Variants in CHLSN observed in about 807,000 individuals in gnomAD.
The protein encoded by CHLSN is cholesin.
At chr7:1,127,719 C>T in the CHLSN span, among the ~76,000 whole-genome samples, 25 of 25,258 alleles carry the variant, frequency 9.9e-4, no homozygotes, top group Middle Eastern at 0.038. Flanking sequence ...CTGATCCCAC[C>T]GTCACCCGGG....
At chr7:1,010,185 A>G in the CHLSN span, 2 of 1,564,396 alleles carry the variant, frequency 1.3e-6, no homozygotes, top group Non-Finnish European at 1.7e-6. Flanking sequence ...GATGGAGGGT[A>G]TCCAGAGACG....
At chr7:1,097,836 C>A in the CHLSN span, among the ~76,000 whole-genome samples, 1 of 152,196 alleles carries the variant, frequency 6.6e-6, no homozygotes, top group Non-Finnish European at 1.5e-5. This position sits in a 1 kb window ranked among gnomAD's most constrained non-coding sequence, Gnocchi z 4.3. Context: ...AACGCACAGC[C>A]TGAGTCTCAT....
At chr7:1,126,241 G>C in the CHLSN span, among the ~76,000 whole-genome samples, 2 of 150,262 alleles carry the variant, frequency 1.3e-5, no homozygotes, top group Non-Finnish European at 2.9e-5. Context: ...GGCGCCTGTA[G>C]TCCCAGCTAC....
chr7:1,057,146 G>A, the CHLSN span, among the ~76,000 whole-genome samples: 336 of 152,162 alleles, frequency 2.2e-3, 3 homozygotes, highest in African/African-American at 7.7e-3. Flanking sequence ...AGTAAACTTC[G>A]GGAATCACTG....
chr7:1,115,748 G>T, the CHLSN span, among the ~76,000 whole-genome samples: 2 of 95,746 alleles, frequency 2.1e-5, no homozygotes, highest in Non-Finnish European at 4.2e-5. Context: ...GCCCACGCAG[G>T]ATGATGACAT....
chr7:1,047,606 A>G, the CHLSN span, among the ~76,000 whole-genome samples: 50 of 152,360 alleles, frequency 3.3e-4, no homozygotes, highest in African/African-American at 1.2e-3. Context: ...AGTCATTTTG[A>G]AAGCATTTTG....
At chr7:1,037,606 C>T in the CHLSN span, among the ~76,000 whole-genome samples, 1 of 144,816 alleles carries the variant, frequency 6.9e-6, no homozygotes, top group South Asian at 2.3e-4. Flanking sequence ...CAACCTACAC[C>T]TCCCAGCCGC....
chr7:1,033,863 G>A, the CHLSN span, among the ~76,000 whole-genome samples: 1 of 152,242 alleles, frequency 6.6e-6, no homozygotes, highest in Non-Finnish European at 1.5e-5. Flanking sequence ...CCTCCTGAGT[G>A]AGGTGAGGCA....
chr7:1,092,599 G>A, the CHLSN span: 10 of 1,611,570 alleles, frequency 6.2e-6, no homozygotes, highest in South Asian at 2.2e-5. Context: ...GCAGCCTGGG[G>A]CCGCTCCCTG....
chr7:1,025,714 C>G, the CHLSN span: 1 of 152,260 alleles, frequency 6.6e-6, no homozygotes. Context: ...GTAGAGGTTG[C>G]GTGGCTCCCC....
chr7:1,070,245 C>T, the CHLSN span, among the ~76,000 whole-genome samples: 223 of 137,900 alleles, frequency 1.6e-3, no homozygotes, highest in Middle Eastern at 3.9e-3. Context: ...CCACCCCGTC[C>T]GGGAGGGAGG....
chr7:1,064,000 G>T, the CHLSN span, among the ~76,000 whole-genome samples: 4 of 151,886 alleles, frequency 2.6e-5, no homozygotes, highest in Non-Finnish European at 2.9e-5. Context: ...GGGGCAGGGG[G>T]ACTAGCCACA....
At chr7:1,004,006 T>A in the CHLSN span, among the ~76,000 whole-genome samples, 2 of 135,908 alleles carry the variant, frequency 1.5e-5, no homozygotes, top group East Asian at 4.3e-4. Flanking sequence ...GTCCTGTGGG[T>A]GAGTGGAGTC....
the CHLSN span, among the ~76,000 whole-genome samples, chr7:983,988 C>T: frequency 6.6e-6 from 1 of 152,166 alleles, no homozygotes; most frequent in African/African-American, 2.4e-5. Context: ...CCCCCAACTG[C>T]GGGCTGGGGT....
At chr7:1,069,501 A>C in the CHLSN span, among the ~76,000 whole-genome samples, 316 of 137,558 alleles carry the variant, frequency 2.3e-3, 1 homozygote, top group Middle Eastern at 0.041. Context: ...CTGCGATTGC[A>C]GGCACGCGCC....
chr7:990,499 A>G, the CHLSN span, among the ~76,000 whole-genome samples: 1 of 151,854 alleles, frequency 6.6e-6, no homozygotes, highest in Non-Finnish European at 1.5e-5. Flanking sequence ...AAGCCGTGGC[A>G]CATTCCCACC....
the CHLSN span, among the ~76,000 whole-genome samples, chr7:1,014,535 G>C: frequency 6.6e-6 from 1 of 152,228 alleles, no homozygotes; most frequent in African/African-American, 2.4e-5. Context: ...TCCAAGGTGG[G>C]TAACGTGCTA....
At chr7:981,275 G>A in the CHLSN span, among the ~76,000 whole-genome samples, 1 of 146,242 alleles carries the variant, frequency 6.8e-6, no homozygotes, top group Non-Finnish European at 1.5e-5. Context: ...TAGCCTGGAT[G>A]ACGAGAGTGA....
At chr7:1,083,897 A>G in the CHLSN span, among the ~76,000 whole-genome samples, 1 of 152,228 alleles carries the variant, frequency 6.6e-6, no homozygotes, top group African/African-American at 2.4e-5. Flanking sequence ...CACACCCTGA[A>G]TGAAAGGCTC....
Sources: gnomAD v4.1 joint callset for allele counts (sites outside exome capture counted in the v4.1 genomes callset) on GRCh38, gnomAD v4.1.1 for gene constraint, Gnocchi (gnomAD v3.1) non-coding constraint, MANE v1.5 for transcripts, NCBI Gene and HGNC (gene_info 2026-07-23, HGNC 2026-07-21) for gene names.